Variants in GABRB2 observed in about 807,000 individuals in gnomAD.
The protein encoded by GABRB2 is gamma-aminobutyric acid receptor subunit beta-2.
In GABRB2, 16 loss-of-function variants were observed where a neutral mutation model predicts 54.7. That is an observed-to-expected ratio of 0.29 (90% CI 0.20 to 0.44). The LOEUF is 0.44. Ranked by LOEUF, GABRB2 falls within the 20% of genes least tolerant of loss-of-function variation. The probability of loss-of-function intolerance (pLI) is 1.00; values close to 1 mark genes in which losing one functional copy is unlikely to be tolerated. For synonymous variants in GABRB2, 244 were observed against 233.8 expected (o/e 1.04, Z -0.40); for missense variants, 355 against 644.0 (o/e 0.55, Z 4.86).
chr5:161,399,644 T>G (rs145110881), intron 5 of GABRB2, among the ~76,000 whole-genome samples: 1 of 152,298 alleles, frequency 6.6e-6, no homozygotes, highest in East Asian at 1.9e-4. Flanking sequence ...TTCAATCCAG[T>G]CAATAATTCC....
chr5:161,332,916 G>A (rs983429035), intron 7 of GABRB2, among the ~76,000 whole-genome samples: 1 of 151,898 alleles, frequency 6.6e-6, no homozygotes, highest in Non-Finnish European at 1.5e-5. Flanking sequence ...TTTAGATACA[G>A]GTATCTTACA....
At chr5:161,542,987 A>G (rs186393955) in intron 3 of GABRB2, among the ~76,000 whole-genome samples, 24 of 152,360 alleles carry the variant, frequency 1.6e-4, no homozygotes, top group Middle Eastern at 6.8e-3. Flanking sequence ...CTTTGAAGAT[A>G]ATTTTAGGTT....
intron 3 of GABRB2, among the ~76,000 whole-genome samples, chr5:161,488,976 G>A (rs1280822793): frequency 6.6e-6 from 1 of 151,720 alleles, no homozygotes; most frequent in Admixed American, 6.6e-5. Flanking sequence ...TGTGTCAAGA[G>A]ATAAACATGT....
At chr5:161,424,632 C>T (rs967200894) in intron 4 of GABRB2, among the ~76,000 whole-genome samples, 1 of 152,026 alleles carries the variant, frequency 6.6e-6, no homozygotes, top group African/African-American at 2.4e-5. Flanking sequence ...ACCTGGTCAC[C>T]CAAGAGCTCT....
intron 5 of GABRB2, among the ~76,000 whole-genome samples, chr5:161,359,147 C>T (rs2113448507): frequency 6.6e-6 from 1 of 152,186 alleles, no homozygotes; most frequent in East Asian, 1.9e-4. Flanking sequence ...CAAAAAACCC[C>T]TAACTCAACC....
At chr5:161,299,937 A>G (rs1229165890) in intron 9 of GABRB2, among the ~76,000 whole-genome samples, 1 of 152,226 alleles carries the variant, frequency 6.6e-6, no homozygotes, top group Non-Finnish European at 1.5e-5. Flanking sequence ...TACCATCTTC[A>G]GTATGCAGAA....
chr5:161,395,286 G>T (rs2113056225), intron 5 of GABRB2, among the ~76,000 whole-genome samples: 1 of 152,192 alleles, frequency 6.6e-6, no homozygotes, highest in Non-Finnish European at 1.5e-5. Flanking sequence ...TCCATAGTTT[G>T]AAGAGCTAGT....
chr5:161,409,579 C>T (rs1756446835), intron 5 of GABRB2, among the ~76,000 whole-genome samples: 1 of 151,938 alleles, frequency 6.6e-6, no homozygotes, highest in Admixed American at 6.6e-5. Flanking sequence ...AATTTTCCCA[C>T]AAAAAAATGC....
chr5:161,476,773 C>T (rs917683817), intron 3 of GABRB2, among the ~76,000 whole-genome samples: 1 of 151,736 alleles, frequency 6.6e-6, no homozygotes, highest in Non-Finnish European at 1.5e-5. Flanking sequence ...TATTTTATAC[C>T]ATATATAAAA....
At chr5:161,534,768 G>C (rs1760577895) in intron 3 of GABRB2, among the ~76,000 whole-genome samples, 1 of 152,034 alleles carries the variant, frequency 6.6e-6, no homozygotes, top group Admixed American at 6.6e-5. Flanking sequence ...ACGTGGAATA[G>C]AGCGAGGAAA....
intron 5 of GABRB2, among the ~76,000 whole-genome samples, chr5:161,378,135 C>G (rs1465977307): frequency 6.6e-6 from 1 of 152,050 alleles, no homozygotes; most frequent in Non-Finnish European, 1.5e-5. Context: ...ACATTTAAGA[C>G]AATAGGCTTA....
intron 9 of GABRB2, among the ~76,000 whole-genome samples, chr5:161,313,701 C>T (rs1329790272): frequency 2.6e-5 from 4 of 152,144 alleles, no homozygotes; most frequent in African/African-American, 9.7e-5. Flanking sequence ...AAGCACTTCC[C>T]CTGTGCTTCT....
chr5:161,331,094 T>C lies in GABRB2; in HGVS notation c.866A>G (p.Asn289Ser), dbSNP rs754422120. ...ITTVLTMTTI[N>S]THLRETLPKI... is the part of the protein sequence containing the mutation. ...AGGGAGAGTTTCCCGGAGGTGGGTGTTGATTGTGGTCATTGTGAGGACAGT... is the reference window on the plus strand; with the variant it reads ...AGGGAGAGTTTCCCGGAGGTGGGTGCTGATTGTGGTCATTGTGAGGACAGT... The change falls in exon 8 of 10, where the codon AAC (asparagine) becomes AGC (serine). Residue 289 changes from asparagine to serine, a missense_variant. Coordinates refer to ENST00000393959, the MANE Select transcript of GABRB2 (RefSeq NM_001371727.1). 6.3e-7 allele frequency: 1 copy of C among 1,599,152 alleles called. No homozygotes were observed. Among genetic ancestry groups the C allele is most frequent in the Non-Finnish European group, 8.5e-7 (1 of 1,170,576 alleles).
At chr5:161,323,951 A>G (rs1758290991) in intron 9 of GABRB2, among the ~76,000 whole-genome samples, 1 of 152,218 alleles carries the variant, frequency 6.6e-6, no homozygotes, top group African/African-American at 2.4e-5. Context: ...TTTAAGAAAT[A>G]TATCAGGAAC....
intron 9 of GABRB2, among the ~76,000 whole-genome samples, chr5:161,302,446 C>T (rs1762671923): frequency 1.3e-5 from 2 of 152,122 alleles, no homozygotes; most frequent in Non-Finnish European, 1.5e-5. Context: ...GGAGAGATGT[C>T]CTTGTGATAG....
chr5:161,502,648 G>A (rs1046265835), intron 3 of GABRB2, among the ~76,000 whole-genome samples: 1 of 152,138 alleles, frequency 6.6e-6, no homozygotes, highest in African/African-American at 2.4e-5. Flanking sequence ...GGGAAATTGA[G>A]GTTCGTAAAC....
intron 9 of GABRB2, among the ~76,000 whole-genome samples, chr5:161,308,884 T>C (rs536520355): frequency 7.9e-5 from 12 of 152,254 alleles, no homozygotes; most frequent in African/African-American, 2.9e-4. Context: ...AAGACTTAAA[T>C]GTAAAACCTA....
chr5:161,305,911 A>G (rs1181173265), intron 9 of GABRB2, among the ~76,000 whole-genome samples: 4 of 152,220 alleles, frequency 2.6e-5, no homozygotes, highest in Non-Finnish European at 5.9e-5. Flanking sequence ...GACAGTGCAC[A>G]TCACTAAGAG....
At chr5:161,437,923 C>T (rs1422795688) in intron 4 of GABRB2, among the ~76,000 whole-genome samples, 1 of 152,198 alleles carries the variant, frequency 6.6e-6, no homozygotes, top group East Asian at 1.9e-4. Flanking sequence ...TGGCTCCAGT[C>T]CCTGAGTACT....
Sources: allele counts gnomAD v4.1 joint callset (sites outside exome capture counted in the v4.1 genomes callset), GRCh38; gene constraint gnomAD v4.1.1; transcripts MANE v1.5; gene names NCBI Gene and HGNC (gene_info 2026-07-23, HGNC 2026-07-21).